PTTG1IP2: variants seen among roughly 807,000 people sequenced by gnomAD.
PTTG1IP2 encodes PTTG1IP family member 2.
chr7:90,495,282 A>G (rs527768885), intron 6 of PTTG1IP2, among the ~76,000 whole-genome samples: 4 of 152,312 alleles, frequency 2.6e-5, no homozygotes, highest in African/African-American at 9.6e-5. Flanking sequence ...TAAGTTCTTA[A>G]TAAGTGTCAC....
At chr7:90,500,929 A>G (rs1456490716) in intron 6 of PTTG1IP2, among the ~76,000 whole-genome samples, 1 of 152,236 alleles carries the variant, frequency 6.6e-6, no homozygotes, top group African/African-American at 2.4e-5. Flanking sequence ...GATTCTGGGA[A>G]GATAGGGTTT....
intron 2 of PTTG1IP2, among the ~76,000 whole-genome samples, chr7:90,486,027 T>A (rs570836660): frequency 6.6e-6 from 1 of 152,202 alleles, no homozygotes; most frequent in South Asian, 2.1e-4. Context: ...TTTGACTGAA[T>A]GGCTTGATTT....
At chr7:90,493,317 A>G (rs1797960158) in intron 5 of PTTG1IP2, among the ~76,000 whole-genome samples, 1 of 152,158 alleles carries the variant, frequency 6.6e-6, no homozygotes, top group African/African-American at 2.4e-5. Context: ...CTCTTTTGTC[A>G]ACTCCTAGAC....
intron 2 of PTTG1IP2, among the ~76,000 whole-genome samples, chr7:90,481,314 T>C (rs998695740): frequency 6.6e-6 from 1 of 152,166 alleles, no homozygotes; most frequent in Non-Finnish European, 1.5e-5. Flanking sequence ...GGACCCACAT[T>C]CCGCAACTCT....
In PTTG1IP2 at chr7:90,469,674, T is replaced by C. The variant is rs177671; in HGVS notation, c.-113T>C. ...GCATCCAGGGCTTGCAAGTGGCAGCTTCAGCACCCAGGGCTGTGGTAGGTC... is the reference window on the plus strand; with the variant it reads ...GCATCCAGGGCTTGCAAGTGGCAGCCTCAGCACCCAGGGCTGTGGTAGGTC... On this transcript the variant is annotated 5_prime_UTR_variant, in exon 1 of 7. Transcript: ENST00000509356. 146,092 of 152,718 alleles carry C rather than the reference T, an allele frequency of 0.96. 69,928 individuals carry two copies. The highest frequency in any genetic ancestry group is 1 in the East Asian group (5,155 of 5,160). The allele number at this position is 152,718 out of a possible 1,614,324, so 9.5% of individuals were successfully genotyped here. A position where few individuals can be genotyped will look rare whatever the true frequency, so the allele number is the denominator to read the frequency against.
chr7:90,492,413 C>T (rs1797949039), intron 5 of PTTG1IP2, 104 bp downstream of exon 5: 1 of 152,224 alleles, frequency 6.6e-6, no homozygotes, highest in African/African-American at 2.4e-5. Flanking sequence ...GGGCCAGGTG[C>T]AGTGACTCAC....
chr7:90,481,073 G>T (rs1797810294), intron 2 of PTTG1IP2, among the ~76,000 whole-genome samples: 2 of 152,080 alleles, frequency 1.3e-5, no homozygotes, highest in Non-Finnish European at 2.9e-5. Context: ...TTCATTAGGA[G>T]GTAGATAAGA....
Position 90,470,787 on chromosome 7 carries a change from A to G in PTTG1IP2, c.145+856A>G, listed in dbSNP as rs181405414. Among the ~76,000 whole-genome samples, 4 of 152,214 alleles carry G rather than the reference A, an allele frequency of 2.6e-5. No individual in the cohort carries two copies. The East Asian group carries it at 7.7e-4, about 29-fold the overall frequency. ...TTTTTAACCTCTTGGTCACCTCTATACATACTCTAAGAGAAATAGTGTTCC... is the reference window on the plus strand; with the variant it reads ...TTTTTAACCTCTTGGTCACCTCTATGCATACTCTAAGAGAAATAGTGTTCC... On this transcript the variant is annotated intron_variant, in intron 1 of 6. Transcript: ENST00000509356.
intron 6 of PTTG1IP2, among the ~76,000 whole-genome samples, chr7:90,497,734 A>C (rs896989134): frequency 6.1e-5 from 9 of 146,948 alleles, no homozygotes; most frequent in African/African-American, 2.3e-4. Flanking sequence ...AAAAAAAAAA[A>C]AAAAAAAAAA....
chr7:90,475,817 G>A (rs1311690508), intron 1 of PTTG1IP2, among the ~76,000 whole-genome samples: 2 of 151,924 alleles, frequency 1.3e-5, no homozygotes, highest in African/African-American at 4.8e-5. Context: ...AAATTAGCCA[G>A]GCGTGGTGGT....
intron 6 of PTTG1IP2, among the ~76,000 whole-genome samples, chr7:90,503,853 G>C (rs1798087971): frequency 6.6e-6 from 1 of 152,188 alleles, no homozygotes; most frequent in Non-Finnish European, 1.5e-5. Flanking sequence ...TAGAGACACA[G>C]AGTGAGCACA....
chr7:90,481,099 TTGA>T (rs1314475304), intron 2 of PTTG1IP2, among the ~76,000 whole-genome samples: 4 of 152,170 alleles, frequency 2.6e-5, no homozygotes, highest in Non-Finnish European at 5.9e-5. Flanking sequence ...TGTCTAGCAT[TTGA>T]TGATATTAGC....
intron 2 of PTTG1IP2, among the ~76,000 whole-genome samples, chr7:90,483,937 C>T (rs1797840531): frequency 6.6e-6 from 1 of 152,162 alleles, no homozygotes; most frequent in Non-Finnish European, 1.5e-5. Flanking sequence ...TCTACCACAA[C>T]CTGCATATAA....
rs371736949 is a variant in PTTG1IP2 at position 90,471,594 on chromosome 7, A to C, written c.145+1663A>C. ...TGCAAAAAATAAGTGGCAACTAAGG[A>C]AAGAACTGGAAGATTCTAGATCAGA... is the stretch of plus-strand genomic sequence containing the variant. On this transcript the variant is annotated intron_variant, in intron 1 of 6. Coordinates refer to ENST00000509356, the MANE Select transcript of PTTG1IP2 (RefSeq NM_001365443.2). Among the ~76,000 whole-genome samples the C allele has an allele frequency of 3.9e-5, 6 of 152,346 alleles. No homozygotes were observed. In the East Asian group the frequency reaches 7.7e-4, roughly 20 times the overall value.
chr7:90,477,929 C>G (rs891902220), intron 1 of PTTG1IP2, among the ~76,000 whole-genome samples: 2 of 151,596 alleles, frequency 1.3e-5, no homozygotes, highest in South Asian at 2.1e-4. Flanking sequence ...AACCCCATCT[C>G]TACTGAAAAT....
At chr7:90,480,862 A>G (rs756430259) in intron 2 of PTTG1IP2, among the ~76,000 whole-genome samples, 2 of 152,154 alleles carry the variant, frequency 1.3e-5, no homozygotes, top group Non-Finnish European at 2.9e-5. Context: ...GGTTTCTCAT[A>G]GTCTGGATTT....
chr7:90,490,305 A>G (rs1000933128), intron 4 of PTTG1IP2, among the ~76,000 whole-genome samples: 1 of 152,090 alleles, frequency 6.6e-6, no homozygotes, highest in African/African-American at 2.4e-5. Flanking sequence ...CAGATTGTAC[A>G]CTTTTTATAA....
chr7:90,475,277 A>G (rs2116046427), intron 1 of PTTG1IP2, among the ~76,000 whole-genome samples: 1 of 152,314 alleles, frequency 6.6e-6, no homozygotes, highest in Admixed American at 6.5e-5. Context: ...ATGTTACCAG[A>G]TACAGAATAA....
At chr7:90,495,273 A>G (rs1368762072) in intron 6 of PTTG1IP2, among the ~76,000 whole-genome samples, 1 of 152,192 alleles carries the variant, frequency 6.6e-6, no homozygotes, top group African/African-American at 2.4e-5. Context: ...GACACTCAGT[A>G]AGTTCTTAAT....
Sources: gnomAD v4.1 joint callset for allele counts (sites outside exome capture counted in the v4.1 genomes callset) on GRCh38, gnomAD v4.1.1 for gene constraint, MANE v1.5 for transcripts, NCBI Gene and HGNC (gene_info 2026-07-23, HGNC 2026-07-21) for gene names.